The following ETV5 variants were observed in gnomAD, a reference collection of about 807,000 sequenced individuals.
ETV5 encodes the protein ETS translocation variant 5.
Under a neutral mutation model 70.0 loss-of-function variants are expected in ETV5, and 10 were observed. That is an observed-to-expected ratio of 0.14 (90% CI 0.09 to 0.24). The LOEUF (loss-of-function observed/expected upper bound fraction) is 0.24. Among genes scored for constraint, ETV5 ranks in the 10% least tolerant of loss-of-function variants. The pLI is 1.00. For missense variants in ETV5, 453 were observed against 651.2 expected (o/e 0.70, Z 3.31); for synonymous variants, 216 against 242.2 (o/e 0.89, Z 1.01).
chr3:186,102,296 CATT>C (rs891020508), intron 5 of ETV5, among the ~76,000 whole-genome samples: 8 of 151,936 alleles, frequency 5.3e-5, no homozygotes, highest in Non-Finnish European at 1.0e-4. Context: ...ATTATCAAAT[CATT>C]ATTAATAGGA....
At chr3:186,087,602 G>T (rs1232234463) in intron 5 of ETV5, among the ~76,000 whole-genome samples, 2 of 152,114 alleles carry the variant, frequency 1.3e-5, no homozygotes, top group Non-Finnish European at 2.9e-5. Context: ...GTCTTCCAAA[G>T]AAACAACTCA....
At chr3:186,093,293 G>C (rs1714227330) in intron 5 of ETV5, among the ~76,000 whole-genome samples, 1 of 152,170 alleles carries the variant, frequency 6.6e-6, no homozygotes, top group Non-Finnish European at 1.5e-5. Context: ...ACACTTTACA[G>C]AAAAGGGCCT....
intron 5 of ETV5, among the ~76,000 whole-genome samples, chr3:186,091,281 TTTAGA>T (rs1312114703): frequency 1.2e-4 from 18 of 152,218 alleles, no homozygotes; most frequent in Admixed American, 2.6e-4. Context: ...TATTCAGGAC[TTTAGA>T]TTAGCAATTA....
At chr3:186,106,136 C>T (rs916328882) in intron 1 of ETV5, among the ~76,000 whole-genome samples, 194 bp from the exon 2 acceptor site, 2 of 151,966 alleles carry the variant, frequency 1.3e-5, no homozygotes, top group Admixed American at 1.3e-4. Flanking sequence ...GGATGTACTC[C>T]GTGCCAAATC....
At chr3:186,106,499 A>G (rs1306006829) in intron 1 of ETV5, among the ~76,000 whole-genome samples, 2 of 152,230 alleles carry the variant, frequency 1.3e-5, no homozygotes, top group Non-Finnish European at 2.9e-5. Context: ...ATCTTCACAC[A>G]CAACTCTTTA....
At chr3:186,096,642 C>T (rs1338705947) in intron 5 of ETV5, among the ~76,000 whole-genome samples, 1 of 152,090 alleles carries the variant, frequency 6.6e-6, no homozygotes, top group Non-Finnish European at 1.5e-5. Flanking sequence ...AAAAAAAATC[C>T]TTGAGGCAAA....
At chr3:186,108,564 C>T in intron 1 of ETV5, 2 of 1,267,498 alleles carry the variant, frequency 1.6e-6, no homozygotes, top group Non-Finnish European at 2.0e-6. Flanking sequence ...CGCCAAGCGT[C>T]TCTTCTCGCG....
chr3:186,087,692 C>G (rs559476197), intron 5 of ETV5, among the ~76,000 whole-genome samples: 1 of 152,154 alleles, frequency 6.6e-6, no homozygotes, highest in Non-Finnish European at 1.5e-5. Flanking sequence ...CTGTTTACTG[C>G]CCACAAGTAC....
chr3:186,091,792 G>T (rs1405031795), intron 5 of ETV5, among the ~76,000 whole-genome samples: 1 of 152,178 alleles, frequency 6.6e-6, no homozygotes, highest in African/African-American at 2.4e-5. Context: ...AATAGGGTTA[G>T]GGTTACATTG....
intron 6 of ETV5, 39 bp from the exon 7 acceptor site, chr3:186,080,143 T>A (rs377513257): frequency 6.9e-7 from 1 of 1,443,846 alleles, no homozygotes; most frequent in Non-Finnish European, 9.1e-7. Flanking sequence ...TAAGCTGAAA[T>A]GAAGCCATTA....
In ETV5 at chr3:186,081,117, A is replaced by G; in HGVS notation, c.291T>C (p.Ser97=). 6.2e-7 allele frequency: 1 copy of G among 1,613,900 alleles called. No homozygotes were observed. The highest frequency in any genetic ancestry group is 8.5e-7 in the Non-Finnish European group (1 of 1,179,850). Residue 97 remains serine, a synonymous_variant, in exon 6 of 13, where the codon TCT becomes TCC. Transcript: ENST00000306376. The stretch of plus-strand genomic sequence containing the variant: ...GCTCATGGCTACAAGACGACAGCTC[A>G]GAGGAGGGGCTGTGCAGCTCCCGTT... ...KIKRELHSPS[S]ELSSCSHEQA...
chr3:186,070,128 C>A (rs1162212136), intron 7 of ETV5, among the ~76,000 whole-genome samples: 3 of 152,140 alleles, frequency 2.0e-5, no homozygotes, highest in African/African-American at 7.2e-5. Context: ...ATTCTTAAGG[C>A]CTTATTTTTG....
chr3:186,101,821 AG>A (rs1355460208), intron 5 of ETV5, among the ~76,000 whole-genome samples: 1 of 152,200 alleles, frequency 6.6e-6, no homozygotes, highest in Non-Finnish European at 1.5e-5. Flanking sequence ...GGGCTGGGCA[AG>A]CTTGTCTCTA....
In ETV5 at chr3:186,057,995, A is replaced by G. The variant is rs1401167303; in HGVS notation, c.971-504T>C. 6.6e-6 allele frequency among the ~76,000 whole-genome samples: 1 copy of G among 152,244 alleles called. No individual in the cohort carries two copies. The highest frequency in any genetic ancestry group is 1.5e-5 in the Non-Finnish European group (1 of 68,042). On this transcript the variant is annotated intron_variant, in intron 9 of 12. Transcript: ENST00000306376. This position sits in a 1 kb window ranked among gnomAD's most constrained non-coding sequence, Gnocchi z 4.9. Reference sequence around the variant, plus strand: ...TTGAAGGGTAAAGAATGTTGCCAAAATGAATAAAGACTTGGGCCTGTAGAG... The same window carrying G: ...TTGAAGGGTAAAGAATGTTGCCAAAGTGAATAAAGACTTGGGCCTGTAGAG...
intron 7 of ETV5, among the ~76,000 whole-genome samples, 187 bp from the exon 8 acceptor site, chr3:186,066,259 T>C (rs1208659250): frequency 4.3e-4 from 2 of 4,686 alleles, no homozygotes; most frequent in East Asian, 0.016. Flanking sequence ...AGTCAGGAAG[T>C]GGCAAAAAAA....
chr3:186,056,561 G>GA (rs35733425), intron 11 of ETV5, among the ~76,000 whole-genome samples: 116 of 148,732 alleles, frequency 7.8e-4, no homozygotes, highest in Middle Eastern at 3.5e-3. Flanking sequence ...ACACACCTTT[G>GA]AAAAAAAAAA....
At chr3:186,100,633 T>C (rs548783841) in intron 5 of ETV5, among the ~76,000 whole-genome samples, 2 of 152,360 alleles carry the variant, frequency 1.3e-5, no homozygotes, top group African/African-American at 4.8e-5. Flanking sequence ...TTTTATCAGT[T>C]AATTAGCTGG....
At chr3:186,107,754 C>A (rs1428981421) in intron 1 of ETV5, among the ~76,000 whole-genome samples, 2 of 152,010 alleles carry the variant, frequency 1.3e-5, no homozygotes, top group African/African-American at 4.8e-5. Flanking sequence ...GCGCAGCGGG[C>A]CCGGTTTTAT....
chr3:186,060,167 G>A (rs1403874940), intron 9 of ETV5, among the ~76,000 whole-genome samples: 1 of 152,126 alleles, frequency 6.6e-6, no homozygotes, highest in Non-Finnish European at 1.5e-5. Context: ...AACTTGCCAT[G>A]TTATTTTCAG....
Sources: gnomAD v4.1 joint callset for allele counts (sites outside exome capture counted in the v4.1 genomes callset) on GRCh38, gnomAD v4.1.1 for gene constraint, Gnocchi (gnomAD v3.1) non-coding constraint, MANE v1.5 for transcripts, NCBI Gene and HGNC (gene_info 2026-07-23, HGNC 2026-07-21) for gene names.